FOXL2NB: variants seen among roughly 807,000 people sequenced by gnomAD.
FOXL2NB encodes the protein FOXL2 neighbor protein.
FOXL2NB carries 10 observed loss-of-function variants against 7.4 expected under a neutral mutation model. That is an observed-to-expected ratio of 1.34 (90% CI 0.83 to 2.28). FOXL2NB has a LOEUF of 2.28. Ranked by LOEUF, FOXL2NB falls within the 30% of genes most tolerant of loss-of-function variation. FOXL2NB has a pLI of 0.00. For synonymous variants in FOXL2NB, 104 were observed against 105.3 expected, an observed-to-expected ratio of 0.99 and a Z score of 0.08; for missense variants, 228 against 233.9, an observed-to-expected ratio of 0.97 and a Z score of 0.17.
At position 138,953,829 on chromosome 3, in the gene FOXL2NB, A is replaced by C. The variant is rs1210599576; in HGVS notation, c.*3257A>C. On this transcript the variant is annotated 3_prime_UTR_variant, in exon 3 of 3. Transcript: ENST00000383165. ...CCTTTATGTCTAGTTTTTTCTGTGC[A>C]ACATATTTTTAATATTCACTGGTCT... 6.6e-6 allele frequency among the ~76,000 whole-genome samples: 1 copy of C among 152,208 alleles called. No homozygotes were observed. Among genetic ancestry groups the C allele is most frequent in the South Asian group, 2.1e-4 (1 of 4,834 alleles).
In FOXL2NB at chr3:138,953,038, G is replaced by C. The variant is rs1247239163; in HGVS notation, c.*2466G>C. On this transcript the variant is annotated 3_prime_UTR_variant, in exon 3 of 3. Coordinates refer to ENST00000383165, the MANE Select transcript of FOXL2NB (RefSeq NM_001040061.3). Reference sequence around the variant, plus strand: ...ATATAATTCTTTTTTTCTTCTTTTTGAGACAGAGTCTCACTCTGTTGCCCA... The same window carrying C: ...ATATAATTCTTTTTTTCTTCTTTTTCAGACAGAGTCTCACTCTGTTGCCCA... 8.3e-6 allele frequency: 1 copy of C among 120,730 alleles called. No homozygotes were observed. The highest frequency in any genetic ancestry group is 1.6e-5 in the Non-Finnish European group (1 of 63,236). 7.5% of individuals were successfully genotyped at this position (120,730 alleles called of 1,614,324 possible). A position where few individuals can be genotyped will look rare whatever the true frequency, so the allele number is the denominator to read the frequency against.
In FOXL2NB at chr3:138,949,546, A is replaced by G. The variant is rs2107747492; in HGVS notation, c.127A>G (p.Met43Val). 1 of 1,614,136 alleles carries G rather than the reference A, an allele frequency of 6.2e-7. No individual in the cohort carries two copies. Among genetic ancestry groups the G allele is most frequent in the Non-Finnish European group, 8.5e-7 (1 of 1,180,004 alleles). ...ATCCCCAGCCCTGGTGAAGAAGAGG[A>G]TGCCTGATGCGTGCACCCTGGGAAG... is the stretch of plus-strand genomic sequence containing the variant. ...SESPALVKKR[M>V]PDACTLGRAG... is the part of the protein sequence containing the mutation. The change falls in exon 2 of 3, where the codon ATG becomes GTG. Residue 43 changes from methionine to valine, a missense_variant. Coordinates refer to ENST00000383165, the MANE Select transcript of FOXL2NB (RefSeq NM_001040061.3). The surrounding 1 kb of genome is among the most constrained non-coding windows in gnomAD (Gnocchi z 4.5).
Position 138,950,600 on chromosome 3 carries a change from CA to C in FOXL2NB, c.*30del. The C allele has an allele frequency of 4.3e-6, 7 of 1,610,220 alleles. No individual in the cohort carries two copies. Among genetic ancestry groups the C allele is most frequent in the Non-Finnish European group, 5.9e-6 (7 of 1,178,864 alleles). Reference sequence around the variant, plus strand: ...CATCCCCATACACTCCACGCCTCAACAACTGTCAGCACTCACTCCCTCCCGG... The same window carrying C: ...CATCCCCATACACTCCACGCCTCAACACTGTCAGCACTCACTCCCTCCCGG... On this transcript the variant is annotated 3_prime_UTR_variant, in exon 3 of 3. Coordinates refer to ENST00000383165, the MANE Select transcript of FOXL2NB (RefSeq NM_001040061.3).
rs1417204292 is a variant in FOXL2NB at position 138,947,423 on chromosome 3, C to T, written c.59C>T (p.Pro20Leu). The stretch of plus-strand genomic sequence containing the variant: ...CGGCCAAAGCCCAGGAAGCTCGGGC[C>T]CCAGCGAGGAAAGGCGCTCCAAGCC... The part of the protein sequence containing the change: ...RTRPKPRKLG[P>L]QRGKALQASS... Residue 20 changes from proline to leucine, a missense_variant, in exon 1 of 3, where the codon CCC becomes CTC. By Grantham distance (98) the Pro-to-Leu change is moderately conservative. Coordinates refer to ENST00000383165, the MANE Select transcript of FOXL2NB (RefSeq NM_001040061.3). The surrounding 1 kb of genome is among the most constrained non-coding windows in gnomAD (Gnocchi z 5.2). 3.2e-6 allele frequency: 5 copies of T among 1,547,712 alleles called. No individual in the cohort carries two copies. The highest frequency in any genetic ancestry group is 2.6e-6 in the Non-Finnish European group (3 of 1,145,126).
At chr3:138,948,082 TTCA>T (rs1453996153) in intron 1 of FOXL2NB, 2 of 656,430 alleles carry the variant, frequency 3.0e-6, no homozygotes, top group East Asian at 1.4e-4. Context: ...ATGTAATATG[TTCA>T]TCAAGTATTA....
chr3:138,947,248 C>T lies in FOXL2NB; in HGVS notation c.-117C>T, dbSNP rs1936004326. On this transcript the variant is annotated 5_prime_UTR_variant, in exon 1 of 3. Coordinates refer to ENST00000383165, the MANE Select transcript of FOXL2NB (RefSeq NM_001040061.3). The surrounding 1 kb of genome is among the most constrained non-coding windows in gnomAD (Gnocchi z 5.2). Reference sequence around the variant, plus strand: ...ATCTCCAAGTCACTTTTTGTAAACGCCCCGCACAGCCTGGACCGGCCTGCC... The same window carrying T: ...ATCTCCAAGTCACTTTTTGTAAACGTCCCGCACAGCCTGGACCGGCCTGCC... 1 of 796,220 alleles carries T rather than the reference C, an allele frequency of 1.3e-6. No homozygotes were observed. The highest frequency in any genetic ancestry group is 1.8e-5 in the African/African-American group (1 of 55,806). The allele number at this position is 796,220 out of a possible 1,614,324, so 49.3% of individuals were successfully genotyped here.
chr3:138,947,442 C>A lies in FOXL2NB; in HGVS notation c.78C>A (p.Leu26=). ...TCGGGCCCCAGCGAGGAAAGGCGCTCCAAGCCTCCTCGCGGCTTTCAGGTG... is the reference window on the plus strand; with the variant it reads ...TCGGGCCCCAGCGAGGAAAGGCGCTACAAGCCTCCTCGCGGCTTTCAGGTG... ...RKLGPQRGKA[L]QASSRLSESP... The change falls in exon 1 of 3, where the codon CTC becomes CTA. Residue 26 remains leucine (L), a synonymous_variant. Coordinates refer to ENST00000383165, the MANE Select transcript of FOXL2NB (RefSeq NM_001040061.3). The surrounding 1 kb of genome is among the most constrained non-coding windows in gnomAD (Gnocchi z 5.2). The A allele has an allele frequency of 6.5e-7, 1 of 1,546,148 alleles. No homozygotes were observed. The highest frequency in any genetic ancestry group is 1.4e-5 in the African/African-American group (1 of 73,032).
At position 138,949,179 on chromosome 3, in the gene FOXL2NB, C is replaced by CTCTCTCCTTT. The variant is rs1484979922; in HGVS notation, c.101-329_101-320dup. On this transcript the variant is annotated intron_variant, in intron 1 of 2. Coordinates refer to ENST00000383165, the MANE Select transcript of FOXL2NB (RefSeq NM_001040061.3). This position sits in a 1 kb window ranked among gnomAD's most constrained non-coding sequence, Gnocchi z 4.5. ...TCTGGCCCCATCCTGGTGGGGGCTC[C>CTCTCTCCTTT]TCTCTCCTTTTCTCTCCTTTTTTTT... Among the ~76,000 whole-genome samples the CTCTCTCCTTT allele has an allele frequency of 1.3e-5, 2 of 151,802 alleles. No homozygotes were observed. Among genetic ancestry groups the CTCTCTCCTTT allele is most frequent in the Admixed American group, 6.6e-5 (1 of 15,230 alleles).
At chr3:138,950,079 C>T (rs1169721759) in intron 2 of FOXL2NB, 186 bp from the exon 3 acceptor site, 9 of 732,306 alleles carry the variant, frequency 1.2e-5, no homozygotes, top group Non-Finnish European at 1.9e-5. Context: ...TGCAATTCAG[C>T]AGCCACCGGC....
chr3:138,949,510 A>G lies in FOXL2NB; in HGVS notation c.101-10A>G. 6.2e-7 allele frequency: 1 copy of G among 1,614,074 alleles called. No individual in the cohort carries two copies. Among genetic ancestry groups the G allele is most frequent in the Non-Finnish European group, 8.5e-7 (1 of 1,179,990 alleles). On this transcript the variant is annotated splice_polypyrimidine_tract_variant and intron_variant, in intron 1 of 2. Transcript: ENST00000383165. The surrounding 1 kb of genome is among the most constrained non-coding windows in gnomAD (Gnocchi z 4.5). ...AAATACTGATTTCTGACTGTCCCGT[A>G]GAGGAACAGAATCCCCAGCCCTGGT...
chr3:138,948,536 G>A (rs984322182), intron 1 of FOXL2NB, among the ~76,000 whole-genome samples: 1 of 152,238 alleles, frequency 6.6e-6, no homozygotes, highest in Admixed American at 6.5e-5. Context: ...TGGTGCTGAG[G>A]AGGGGGGCAA....
Position 138,949,821 on chromosome 3 carries a change from G to C in FOXL2NB, c.220+182G>C, listed in dbSNP as rs1264399894. 2 of 842,686 alleles carry C rather than the reference G, an allele frequency of 2.4e-6. No homozygotes were observed. The highest frequency in any genetic ancestry group is 3.9e-6 in the Non-Finnish European group (2 of 513,788). 52.2% of individuals were successfully genotyped at this position (842,686 alleles called of 1,614,324 possible). On this transcript the variant is annotated intron_variant, in intron 2 of 2. Coordinates refer to ENST00000383165, the MANE Select transcript of FOXL2NB (RefSeq NM_001040061.3). The surrounding 1 kb of genome is among the most constrained non-coding windows in gnomAD (Gnocchi z 4.5). The stretch of plus-strand genomic sequence containing the variant: ...GGCGCTCCAGGAAACGGTGCGGGGC[G>C]CCCTGATTTACTTCTCAACCTTCGG...
In FOXL2NB at chr3:138,951,359, T is replaced by G. The variant is rs776595930; in HGVS notation, c.*787T>G. On this transcript the variant is annotated 3_prime_UTR_variant, in exon 3 of 3. Coordinates refer to ENST00000383165, the MANE Select transcript of FOXL2NB (RefSeq NM_001040061.3). Reference sequence around the variant, plus strand: ...CCTGTTGTTAAGTGTCTCACTGAGCTCCCCTCTTTCTCCCCCAGGAAGGGC... The same window carrying G: ...CCTGTTGTTAAGTGTCTCACTGAGCGCCCCTCTTTCTCCCCCAGGAAGGGC... 2 of 152,168 alleles carry G rather than the reference T, an allele frequency of 1.3e-5. No individual in the cohort carries two copies. Among genetic ancestry groups the G allele is most frequent in the Non-Finnish European group, 2.9e-5 (2 of 68,066 alleles). 9.4% of individuals were successfully genotyped at this position (152,168 alleles called of 1,614,324 possible).
At position 138,950,305 on chromosome 3, in the gene FOXL2NB, T is replaced by C. The variant is rs760412852; in HGVS notation, c.261T>C (p.Pro87=). The C allele has an allele frequency of 2.5e-6, 4 of 1,606,782 alleles. No homozygotes were observed. The highest frequency in any genetic ancestry group is 3.4e-6 in the Non-Finnish European group (4 of 1,178,240). ...ILQQRQKPPA[P]RASGGPALLG... is the part of the protein sequence containing the mutation. ...AACAGCGGCAGAAGCCGCCCGCGCCTCGGGCTTCCGGCGGCCCAGCTCTAC... is the reference window on the plus strand; with the variant it reads ...AACAGCGGCAGAAGCCGCCCGCGCCCCGGGCTTCCGGCGGCCCAGCTCTAC... Residue 87 remains proline (P), a synonymous_variant, in exon 3 of 3, where the codon CCT becomes CCC. Transcript: ENST00000383165.
In FOXL2NB at chr3:138,952,279, T is replaced by A. The variant is rs933881099; in HGVS notation, c.*1707T>A. On this transcript the variant is annotated 3_prime_UTR_variant, in exon 3 of 3. Coordinates refer to ENST00000383165, the MANE Select transcript of FOXL2NB (RefSeq NM_001040061.3). ...GCCCTTCCCCCTTGGTCCTCATTCC[T>A]GGCTCAATTTTCTCCCACAAAGCGG... 1 of 152,226 alleles carries A rather than the reference T, an allele frequency of 6.6e-6. No individual in the cohort carries two copies. Among genetic ancestry groups the A allele is most frequent in the Non-Finnish European group, 1.5e-5 (1 of 68,068 alleles). The allele number at this position is 152,226 out of a possible 1,614,324, so 9.4% of individuals were successfully genotyped here.
Position 138,949,381 on chromosome 3 carries a change from TATGCATGTGC to T in FOXL2NB, c.101-138_101-129del. 1.1e-6 allele frequency: 1 copy of T among 950,874 alleles called. No individual in the cohort carries two copies. The highest frequency in any genetic ancestry group is 1.5e-6 in the Non-Finnish European group (1 of 651,362). The allele number at this position is 950,874 out of a possible 1,614,324, so 58.9% of individuals were successfully genotyped here. ...TCAGCCTTTAAAGAGCCTGTGTGTG[TATGCATGTGC>T]GTGTGTGTGTGTGTGTGTGTGTGTG... On this transcript the variant is annotated intron_variant, in intron 1 of 2. Coordinates refer to ENST00000383165, the MANE Select transcript of FOXL2NB (RefSeq NM_001040061.3). The surrounding 1 kb of genome is among the most constrained non-coding windows in gnomAD (Gnocchi z 4.5).
chr3:138,949,519 G>C lies in FOXL2NB; in HGVS notation c.101-1G>C, dbSNP rs1403627430. 6.2e-7 allele frequency: 1 copy of C among 1,614,096 alleles called. No homozygotes were observed. The highest frequency in any genetic ancestry group is 2.2e-5 in the East Asian group (1 of 44,876). On this transcript the variant is annotated splice_acceptor_variant, in intron 1 of 2. Transcript: ENST00000383165. LOFTEE classifies it high-confidence loss of function. The surrounding 1 kb of genome is among the most constrained non-coding windows in gnomAD (Gnocchi z 4.5). Reference sequence around the variant, plus strand: ...TTTCTGACTGTCCCGTAGAGGAACAGAATCCCCAGCCCTGGTGAAGAAGAG... The same window carrying C: ...TTTCTGACTGTCCCGTAGAGGAACACAATCCCCAGCCCTGGTGAAGAAGAG...
rs1355032803 is a variant in FOXL2NB at position 138,951,321 on chromosome 3, A to T, written c.*749A>T. 1 of 152,274 alleles carries T rather than the reference A, an allele frequency of 6.6e-6. No individual in the cohort carries two copies. The highest frequency in any genetic ancestry group is 1.5e-5 in the Non-Finnish European group (1 of 68,104). The allele number at this position is 152,274 out of a possible 1,614,324, so 9.4% of individuals were successfully genotyped here. Reference sequence around the variant, plus strand: ...CTCCTACTCTGGGAAGAACTCACACATGAGAGCTGTTTCCTGTTGTTAAGT... The same window carrying T: ...CTCCTACTCTGGGAAGAACTCACACTTGAGAGCTGTTTCCTGTTGTTAAGT... On this transcript the variant is annotated 3_prime_UTR_variant, in exon 3 of 3. Transcript: ENST00000383165.
rs200544979 is a variant in FOXL2NB at position 138,950,430 on chromosome 3, C to T, written c.386C>T (p.Ser129Phe). 3.7e-6 allele frequency: 6 copies of T among 1,614,000 alleles called. No individual in the cohort carries two copies. Among genetic ancestry groups the T allele is most frequent in the Non-Finnish European group, 5.1e-6 (6 of 1,180,034 alleles). ...AAGCLNQVPL[S>F]PFLAGPRNTR... is the part of the protein sequence containing the mutation. ...GGCTGCCTGAACCAGGTTCCGCTGTCCCCTTTCCTAGCGGGACCCCGAAAC... is the reference window on the plus strand; with the variant it reads ...GGCTGCCTGAACCAGGTTCCGCTGTTCCCTTTCCTAGCGGGACCCCGAAAC... The change falls in exon 3 of 3, where the codon TCC (serine) becomes TTC (phenylalanine). Residue 129 changes from serine to phenylalanine, a missense_variant. Coordinates refer to ENST00000383165, the MANE Select transcript of FOXL2NB (RefSeq NM_001040061.3).
Sources: gnomAD v4.1 joint callset for allele counts (sites outside exome capture counted in the v4.1 genomes callset) on GRCh38, gnomAD v4.1.1 for gene constraint, Gnocchi (gnomAD v3.1) non-coding constraint, MANE v1.5 for transcripts, NCBI Gene and HGNC (gene_info 2026-07-23, HGNC 2026-07-21) for gene names.